EFCAB5: variants seen among roughly 807,000 people sequenced by gnomAD.
The protein encoded by EFCAB5 is EF-hand calcium-binding domain-containing protein 5.
EFCAB5 carries 131 observed loss-of-function variants against 167.9 expected under a neutral mutation model. The ratio of observed to expected loss-of-function variants is 0.78; its 90% CI spans 0.68 to 0.90. The LOEUF (loss-of-function observed/expected upper bound fraction) is 0.90. Among genes scored for constraint, EFCAB5 ranks in the 40% least tolerant of loss-of-function variants. The pLI is 0.00. For synonymous variants in EFCAB5, 574 were observed against 602.8 expected (o/e 0.95, Z 0.70); for missense variants, 1,663 against 1,745.2 (o/e 0.95, Z 0.84).
chr17:30,050,388 G>A (rs1180442024), intron 8 of EFCAB5, among the ~76,000 whole-genome samples: 1 of 152,084 alleles, frequency 6.6e-6, no homozygotes, highest in African/African-American at 2.4e-5. Flanking sequence ...ACCCACCTCG[G>A]CCTCCCAAAG....
At chr17:30,020,349 C>T (rs2069144956) in intron 7 of EFCAB5, among the ~76,000 whole-genome samples, 1 of 150,110 alleles carries the variant, frequency 6.7e-6, no homozygotes, top group African/African-American at 2.4e-5. Flanking sequence ...TTTACCTATG[C>T]ACTATTCTTT....
intron 1 of EFCAB5, among the ~76,000 whole-genome samples, chr17:29,935,913 A>C (rs1287866622): frequency 6.6e-6 from 1 of 152,200 alleles, no homozygotes; most frequent in African/African-American, 2.4e-5. Flanking sequence ...CTGAAGCAGG[A>C]GCACTGGCTG....
At chr17:30,095,761 A>G (rs985076868) in intron 22 of EFCAB5, among the ~76,000 whole-genome samples, 2 of 152,236 alleles carry the variant, frequency 1.3e-5, no homozygotes, top group Non-Finnish European at 2.9e-5. Flanking sequence ...AAAATGGACA[A>G]CCAGACACCA....
intron 14 of EFCAB5, chr17:30,073,317 G>A (rs990572431): frequency 9.3e-6 from 5 of 540,364 alleles, no homozygotes; most frequent in Admixed American, 6.7e-5. Flanking sequence ...TCAGTCTCCC[G>A]AAGTGCTGGG....
chr17:30,093,943 G>C (rs1017695210), intron 22 of EFCAB5, among the ~76,000 whole-genome samples: 1 of 152,176 alleles, frequency 6.6e-6, no homozygotes, highest in African/African-American at 2.4e-5. Context: ...GTGCCAGAAG[G>C]AGAGGAGTCT....
chr17:29,945,201 A>G (rs909722229), intron 3 of EFCAB5, among the ~76,000 whole-genome samples: 1 of 152,168 alleles, frequency 6.6e-6, no homozygotes, highest in Non-Finnish European at 1.5e-5. Context: ...ATTTACCAGT[A>G]TTGAATGTTT....
chr17:30,057,670 T>A lies in EFCAB5; in HGVS notation c.2366-6T>A. ...TTACTGCTTGGTAATGTTTCTTGCTTGACAGATTTACACTCAATTATCAGA... is the reference window on the plus strand; with the variant it reads ...TTACTGCTTGGTAATGTTTCTTGCTAGACAGATTTACACTCAATTATCAGA... On this transcript the variant is annotated splice_polypyrimidine_tract_variant and splice_region_variant and intron_variant, in intron 12 of 22. Transcript: ENST00000394835. The A allele has an allele frequency of 6.2e-7, 1 of 1,607,800 alleles. No homozygotes were observed. Among genetic ancestry groups the A allele is most frequent in the Non-Finnish European group, 8.5e-7 (1 of 1,175,162 alleles).
chr17:29,993,541 C>T (rs1224223867), intron 5 of EFCAB5, among the ~76,000 whole-genome samples: 1 of 151,362 alleles, frequency 6.6e-6, no homozygotes, highest in Admixed American at 6.6e-5. Context: ...AATCTTGACT[C>T]TGGCTGAGGT....
intron 7 of EFCAB5, among the ~76,000 whole-genome samples, chr17:30,012,801 C>G (rs2068938019): frequency 6.6e-6 from 1 of 152,182 alleles, no homozygotes; most frequent in Non-Finnish European, 1.5e-5. Context: ...TTATTTCTTT[C>G]TCTTGCCTGA....
intron 6 of EFCAB5, 77 bp from the exon 7 acceptor site, chr17:29,999,829 T>C: frequency 1.0e-6 from 1 of 999,850 alleles, no homozygotes; most frequent in Admixed American, 3.0e-5. Context: ...TTATGTTCTT[T>C]TAAAGCACTA....
intron 4 of EFCAB5, among the ~76,000 whole-genome samples, chr17:29,978,138 G>T (rs901198520): frequency 3.9e-5 from 6 of 152,130 alleles, no homozygotes; most frequent in African/African-American, 9.7e-5. Flanking sequence ...TACACCAGCT[G>T]CCACCCATTT....
intron 7 of EFCAB5, among the ~76,000 whole-genome samples, chr17:30,003,762 A>G (rs1027785617): frequency 6.6e-6 from 1 of 152,154 alleles, no homozygotes; most frequent in Non-Finnish European, 1.5e-5. Flanking sequence ...AATCCTTCTC[A>G]GATAATTCCA....
chr17:30,081,428 A>T (rs757144550), intron 17 of EFCAB5, among the ~76,000 whole-genome samples: 147 of 152,366 alleles, frequency 9.6e-4, no homozygotes, highest in Non-Finnish European at 1.7e-3. Context: ...ATTTTTGAGG[A>T]TGAAAAATAA....
intron 8 of EFCAB5, among the ~76,000 whole-genome samples, chr17:30,034,976 A>C (rs966470221): frequency 3.9e-5 from 6 of 152,254 alleles, no homozygotes; most frequent in Non-Finnish European, 5.9e-5. Flanking sequence ...TGGGCTTGTA[A>C]TAAATTAAAC....
chr17:30,034,757 A>G (rs539282415), intron 8 of EFCAB5, among the ~76,000 whole-genome samples: 66 of 152,184 alleles, frequency 4.3e-4, no homozygotes, highest in Non-Finnish European at 7.1e-4. Context: ...AATGACCTAA[A>G]TAGTCATTGT....
At chr17:30,104,718 G>C (rs953390061) in intron 22 of EFCAB5, among the ~76,000 whole-genome samples, 3 of 152,162 alleles carry the variant, frequency 2.0e-5, no homozygotes, top group African/African-American at 7.2e-5. Flanking sequence ...GAACCCAGCA[G>C]AGCGCTGGAG....
chr17:30,002,521 A>G (rs2068683505), intron 7 of EFCAB5, among the ~76,000 whole-genome samples: 1 of 152,176 alleles, frequency 6.6e-6, no homozygotes, highest in African/African-American at 2.4e-5. Context: ...GCCAATTAAA[A>G]CATCATTGTC....
rs60646242 is a variant in EFCAB5 at position 30,055,235 on chromosome 17, A to G, written c.2195-653A>G. On this transcript the variant is annotated intron_variant, in intron 10 of 22. Coordinates refer to ENST00000394835, the MANE Select transcript of EFCAB5 (RefSeq NM_198529.4). ...TGAACCTCAGGAGGTTGAGCCTGCA[A>G]TAAGCCATGATTGCACCACTGCACT... 4.1e-3 allele frequency among the ~76,000 whole-genome samples: 622 copies of G among 152,060 alleles called. 5 individuals are homozygous for G. The highest frequency in any genetic ancestry group is 0.014 in the African/African-American group (590 of 41,490).
intron 4 of EFCAB5, among the ~76,000 whole-genome samples, chr17:29,979,258 G>A (rs1192221899): frequency 2.6e-5 from 4 of 152,042 alleles, no homozygotes; most frequent in Non-Finnish European, 2.9e-5. Context: ...TGGGAGAATT[G>A]CTTGAACATG....
Sources: gnomAD v4.1 joint callset for allele counts (sites outside exome capture counted in the v4.1 genomes callset) on GRCh38, gnomAD v4.1.1 for gene constraint, MANE v1.5 for transcripts, NCBI Gene and HGNC (gene_info 2026-07-23, HGNC 2026-07-21) for gene names.